Variants in ABCF3 observed in about 807,000 individuals in gnomAD.
ABCF3 encodes the protein ATP binding cassette subfamily F member 3.
Under a neutral mutation model 94.3 loss-of-function variants are expected in ABCF3, and 62 were observed. That is an observed-to-expected ratio of 0.66 (90% CI 0.54 to 0.81). The LOEUF (loss-of-function observed/expected upper bound fraction) is 0.81. ABCF3 is among the 40% of genes least tolerant of loss of function. The probability of loss-of-function intolerance (pLI) is 0.00; values close to 1 mark genes in which losing one functional copy is unlikely to be tolerated. For synonymous variants in ABCF3, 355 were observed against 361.1 expected (o/e 0.98, Z 0.19); for missense variants, 843 against 925.3 (o/e 0.91, Z 1.15).
chr3:184,193,439 T>C lies in ABCF3; in HGVS notation c.1958T>C (p.Leu653Pro). The change falls in exon 20 of 21, where the codon CTC becomes CCC. Residue 653 changes from leucine (L) to proline (P), a missense_variant. Coordinates refer to ENST00000429586, the MANE Select transcript of ABCF3 (RefSeq NM_018358.3). The surrounding 1 kb of genome is among the most constrained non-coding windows in gnomAD (Gnocchi z 5.2). Reference protein sequence around the residue: ...METIEALGRALNNFRGGVILV... With the variant: ...METIEALGRAPNNFRGGVILV... ...ACCATTGAGGCTCTGGGCCGTGCCC[T>C]CAACAATTTCAGGGTGAGTGTGCCT... 1 of 1,614,088 alleles carries C rather than the reference T, an allele frequency of 6.2e-7. No homozygotes were observed. Among genetic ancestry groups the C allele is most frequent in the Non-Finnish European group, 8.5e-7 (1 of 1,180,010 alleles).
chr3:184,189,986 G>C (rs1348535906), intron 14 of ABCF3, 55 bp downstream of exon 14: 1 of 1,575,424 alleles, frequency 6.3e-7, no homozygotes, highest in Non-Finnish European at 8.7e-7. Flanking sequence ...GTCTCCTTCC[G>C]CATTTGCACG....
At chr3:184,192,944 G>T in intron 18 of ABCF3, 48 bp downstream of exon 18, 4 of 1,604,450 alleles carry the variant, frequency 2.5e-6, no homozygotes, top group Non-Finnish European at 3.4e-6. Flanking sequence ...AGGGAAGAGG[G>T]CTGAGGCTGA....
At position 184,193,555 on chromosome 3, in the gene ABCF3, G is replaced by T. The variant is rs1264378401; in HGVS notation, c.1987G>T (p.Val663Leu). ...TGTCTTTCAGGGTGGTGTGATTCTG[G>T]TGTCCCACGATGAGCGCTTTATCAG... The part of the protein sequence containing the change: ...LNNFRGGVIL[V>L]SHDERFIRLV... Residue 663 changes from valine to leucine, a missense_variant, in exon 21 of 21, where the codon GTG becomes TTG. Val to Leu is a conservative substitution (Grantham distance 32). Coordinates refer to ENST00000429586, the MANE Select transcript of ABCF3 (RefSeq NM_018358.3). This position sits in a 1 kb window ranked among gnomAD's most constrained non-coding sequence, Gnocchi z 5.2. 10 of 1,614,040 alleles carry T rather than the reference G, an allele frequency of 6.2e-6. No individual in the cohort carries two copies. Among genetic ancestry groups the T allele is most frequent in the Non-Finnish European group, 8.5e-6 (10 of 1,180,030 alleles).
Position 184,192,823 on chromosome 3 carries a change from T to C in ABCF3, c.1677T>C (p.Tyr559=), listed in dbSNP as rs113525398. 4 of 1,614,180 alleles carry C rather than the reference T, an allele frequency of 2.5e-6. No homozygotes were observed. In the African/African-American group the frequency reaches 4.0e-5, roughly 16 times the overall value. The stretch of plus-strand genomic sequence containing the variant: ...CCTGCAGGAATCTGAAGATTGGCTA[T>C]TTCAGCCAGCACCATGTGGAGCAGC... The part of the protein sequence containing the change: ...RHAHRNLKIG[Y]FSQHHVEQLD... Residue 559 remains tyrosine (Y), a synonymous_variant, in exon 18 of 21, where the codon TAT becomes TAC. Transcript: ENST00000429586.
rs767891514 is a variant in ABCF3, at chr3:184,189,239, G to A, written c.1035-16G>A. On this transcript the variant is annotated splice_polypyrimidine_tract_variant and intron_variant, in intron 10 of 20. Coordinates refer to ENST00000429586, the MANE Select transcript of ABCF3 (RefSeq NM_018358.3). Reference sequence around the variant, plus strand: ...TTGCTGACCTAAAACCTCAGGCCATGTATTGTTTTTCATAGGCCAGATCTT... The same window carrying A: ...TTGCTGACCTAAAACCTCAGGCCATATATTGTTTTTCATAGGCCAGATCTT... 6.2e-7 allele frequency: 1 copy of A among 1,614,056 alleles called. No homozygotes were observed. Among genetic ancestry groups the A allele is most frequent in the African/African-American group, 1.3e-5 (1 of 74,908 alleles).
chr3:184,193,193 C>A lies in ABCF3; in HGVS notation c.1842C>A (p.Gly614=). 1 of 1,564,156 alleles carries A rather than the reference C, an allele frequency of 6.4e-7. No individual in the cohort carries two copies. The highest frequency in any genetic ancestry group is 8.7e-7 in the Non-Finnish European group (1 of 1,155,474). The stretch of plus-strand genomic sequence containing the variant: ...GTCCTCTTGCCAGCCTGTCTGGGGG[C>A]CAGAAGAGCCGAGTGGCCTTTGCTC... The part of the protein sequence containing the change: ...AMRPLASLSG[G]QKSRVAFAQM... Residue 614 remains glycine, a synonymous_variant, in exon 19 of 21, where the codon GGC becomes GGA. Transcript: ENST00000429586. This position sits in a 1 kb window ranked among gnomAD's most constrained non-coding sequence, Gnocchi z 5.2.
At chr3:184,187,485 G>C in intron 4 of ABCF3, 42 bp downstream of exon 4, 2 of 1,594,272 alleles carry the variant, frequency 1.3e-6, no homozygotes, top group Non-Finnish European at 1.7e-6. Flanking sequence ...CTGTGATGGG[G>C]TTGGGAGTTG....
chr3:184,188,117 G>C (rs981749323), intron 6 of ABCF3, 24 bp from the exon 7 acceptor site: 1 of 1,610,836 alleles, frequency 6.2e-7, no homozygotes, highest in Admixed American at 1.7e-5. Flanking sequence ...GAGCATCTTT[G>C]GTCTCCTTTC....
rs140602070 is a variant in ABCF3 at position 184,193,655 on chromosome 3, G to A, written c.2087G>A (p.Arg696His). Residue 696 changes from arginine (R) to histidine (H), a missense_variant, in exon 21 of 21, where the codon CGC becomes CAC. Arg to His is a conservative substitution (Grantham distance 29, BLOSUM62 0). Transcript: ENST00000429586. The surrounding 1 kb of genome is among the most constrained non-coding windows in gnomAD (Gnocchi z 5.2). ...GTGGAAGGAGGATTTGACCAGTACC[G>A]CGCCCTCCTCCAGGAACAGTTCCGC... Reference protein sequence around the residue: ...TRVEGGFDQYRALLQEQFRRE... With the variant: ...TRVEGGFDQYHALLQEQFRRE... 2.0e-5 allele frequency: 32 copies of A among 1,613,934 alleles called. No homozygotes were observed. The highest frequency in any genetic ancestry group is 8.0e-5 in the African/African-American group (6 of 74,930).
Position 184,193,157 on chromosome 3 carries a change from A to G in ABCF3, c.1806A>G (p.Glu602=). 1.3e-6 allele frequency: 2 copies of G among 1,566,454 alleles called. No individual in the cohort carries two copies. Among genetic ancestry groups the G allele is most frequent in the South Asian group, 2.4e-5 (2 of 82,540 alleles). The change falls in exon 19 of 21, where the codon GAA becomes GAG. Residue 602 remains glutamate (E), a synonymous_variant. Coordinates refer to ENST00000429586, the MANE Select transcript of ABCF3 (RefSeq NM_018358.3). The surrounding 1 kb of genome is among the most constrained non-coding windows in gnomAD (Gnocchi z 5.2). ...HQLGRYGISG[E]LAMRPLASLS... Reference sequence around the variant, plus strand: ...TGGGTCGGTATGGCATCTCCGGAGAACTGGCCATGCGTCCTCTTGCCAGCC... The same window carrying G: ...TGGGTCGGTATGGCATCTCCGGAGAGCTGGCCATGCGTCCTCTTGCCAGCC...
At chr3:184,186,480 T>G (rs766516918) in intron 1 of ABCF3, 27 bp from the exon 2 acceptor site, 15 of 1,597,640 alleles carry the variant, frequency 9.4e-6, no homozygotes, top group Non-Finnish European at 1.3e-5. Flanking sequence ...ACCCGATACC[T>G]TCCTCGTTCT....
chr3:184,192,744 G>T, intron 17 of ABCF3, 55 bp downstream of exon 17: 2 of 1,610,048 alleles, frequency 1.2e-6, no homozygotes, highest in Admixed American at 3.3e-5. Flanking sequence ...CACCCATGCT[G>T]CCTGCGCTCC....
chr3:184,192,771 T>C, intron 17 of ABCF3, 34 bp from the exon 18 acceptor site: 1 of 1,612,934 alleles, frequency 6.2e-7, no homozygotes, highest in Non-Finnish European at 8.5e-7. Context: ...GCCATTGCCT[T>C]TGTCTGTTTT....
At chr3:184,190,336 C>T (rs1715940891) in intron 14 of ABCF3, 1 of 212,962 alleles carries the variant, frequency 4.7e-6, no homozygotes, top group African/African-American at 2.3e-5. Flanking sequence ...TTTATTGAGT[C>T]ATGAGGGGCC....
In ABCF3 at chr3:184,193,902, G is replaced by T. The variant is rs935368290; in HGVS notation, c.*204G>T. The stretch of plus-strand genomic sequence containing the variant: ...GTTGGTGAGGACTGGTCTCCCGGGG[G>T]TGGGGGTCTGGGGGGTACCCTCTGG... On this transcript the variant is annotated 3_prime_UTR_variant, in exon 21 of 21. Coordinates refer to ENST00000429586, the MANE Select transcript of ABCF3 (RefSeq NM_018358.3). The surrounding 1 kb of genome is among the most constrained non-coding windows in gnomAD (Gnocchi z 5.2). The T allele has an allele frequency of 1.5e-5, 10 of 666,062 alleles. No homozygotes were observed. The highest frequency in any genetic ancestry group is 3.3e-5 in the Admixed American group (1 of 30,050). 41.3% of individuals were successfully genotyped at this position (666,062 alleles called of 1,614,324 possible). A position where few individuals can be genotyped will look rare whatever the true frequency, so the allele number is the denominator to read the frequency against.
rs1010857764 is a variant in ABCF3, at chr3:184,186,797, G to A, written c.223G>A (p.Ala75Thr). ...CGCTTTCTATCCCTACCCACATAGG[G>A]CTGAGCCACAAAGCCAGGGAAATAG... ...CQRMYNTLRL[A>T]EPQSQGNSQV... The change falls in exon 3 of 21, where the codon GCT becomes ACT. Residue 75 changes from alanine (A) to threonine (T), a missense_variant and splice_region_variant. Ala to Thr is a moderately conservative substitution (Grantham distance 58). Coordinates refer to ENST00000429586, the MANE Select transcript of ABCF3 (RefSeq NM_018358.3). 2 of 1,613,550 alleles carry A rather than the reference G, an allele frequency of 1.2e-6. No homozygotes were observed. The highest frequency in any genetic ancestry group is 1.1e-5 in the South Asian group (1 of 90,972).
At chr3:184,192,963 G>A (rs1577070787) in intron 18 of ABCF3, 67 bp downstream of exon 18, 4 of 1,593,396 alleles carry the variant, frequency 2.5e-6, no homozygotes, top group African/African-American at 1.3e-5. Flanking sequence ...GACCCCGGCA[G>A]CTAGGCCTGC....
Position 184,186,667 on chromosome 3 carries a change from G to A in ABCF3, c.221+13G>A. ...ACACTCTGCGTCTGTATGTGCCAGG[G>A]AGTAGGGGTTGATGGGGGCGAAGGG... On this transcript the variant is annotated intron_variant, in intron 2 of 20. Coordinates refer to ENST00000429586, the MANE Select transcript of ABCF3 (RefSeq NM_018358.3). The A allele has an allele frequency of 1.2e-6, 2 of 1,600,626 alleles. No individual in the cohort carries two copies. The highest frequency in any genetic ancestry group is 1.7e-6 in the Non-Finnish European group (2 of 1,171,258).
intron 14 of ABCF3, chr3:184,190,775 G>A: frequency 1.9e-6 from 1 of 539,702 alleles, no homozygotes; most frequent in Non-Finnish European, 3.2e-6. Flanking sequence ...TTAGATGTTT[G>A]CGACGTGGAA....
Sources: allele counts gnomAD v4.1 joint callset, GRCh38; gene constraint gnomAD v4.1.1; non-coding constraint Gnocchi (gnomAD v3.1); transcripts MANE v1.5; gene names NCBI Gene and HGNC (gene_info 2026-07-23, HGNC 2026-07-21).